Variants in FRAS1 observed in about 807,000 individuals in gnomAD.
FRAS1 encodes extracellular matrix organizing protein FRAS1.
Under a neutral mutation model 435.2 loss-of-function variants are expected in FRAS1, and 290 were observed. The ratio of observed to expected loss-of-function variants is 0.67; its 90% confidence interval spans 0.61 to 0.73. The LOEUF (loss-of-function observed/expected upper bound fraction) is 0.73, where lower values mean the gene tolerates loss of function less well. FRAS1 is among the 30% of genes least tolerant of loss of function. The pLI, the probability that FRAS1 is intolerant of heterozygous loss-of-function variation, is 0.00. For synonymous variants in FRAS1, 1,800 were observed against 1,851.0 expected, an observed-to-expected ratio of 0.97 and a Z score of 0.71; for missense variants, 4,860 against 5,001.5, an observed-to-expected ratio of 0.97 and a Z score of 0.85.
At chr4:78,339,064 C>T (rs1730298924) in intron 20 of FRAS1, among the ~76,000 whole-genome samples, 2 of 152,136 alleles carry the variant, frequency 1.3e-5, no homozygotes, top group South Asian at 4.1e-4. Context: ...TTGGACTAAT[C>T]AGAATTCCTA....
At chr4:78,219,049 A>G (rs1253751706) in intron 2 of FRAS1, among the ~76,000 whole-genome samples, 2 of 152,166 alleles carry the variant, frequency 1.3e-5, no homozygotes, top group Non-Finnish European at 2.9e-5. Flanking sequence ...TAATTCAGGA[A>G]ATGCTTCTAT....
intron 20 of FRAS1, among the ~76,000 whole-genome samples, chr4:78,356,190 G>A (rs927891463): frequency 1.3e-5 from 2 of 152,004 alleles, no homozygotes; most frequent in African/African-American, 2.4e-5. Context: ...TGTAACTGAC[G>A]AGACAGTTGG....
At chr4:78,303,358 T>C (rs1057249796) in intron 14 of FRAS1, among the ~76,000 whole-genome samples, 28 of 152,320 alleles carry the variant, frequency 1.8e-4, no homozygotes, top group Admixed American at 1.4e-3. Context: ...TTTGGTTCCA[T>C]ATGAACTTTA....
intron 26 of FRAS1, among the ~76,000 whole-genome samples, chr4:78,377,488 AC>A (rs1302122520): frequency 1.3e-5 from 2 of 152,202 alleles, no homozygotes; most frequent in African/African-American, 4.8e-5. Flanking sequence ...AAGGAGCACT[AC>A]CAACTAAAGT....
intron 18 of FRAS1, among the ~76,000 whole-genome samples, chr4:78,322,263 A>G (rs1168818747): frequency 6.6e-6 from 1 of 152,178 alleles, no homozygotes; most frequent in East Asian, 1.9e-4. Context: ...AGTGCTGTCT[A>G]TGAATCAGGC....
At chr4:78,284,927 G>C (rs899553449) in intron 13 of FRAS1, among the ~76,000 whole-genome samples, 1 of 152,142 alleles carries the variant, frequency 6.6e-6, no homozygotes, top group Non-Finnish European at 1.5e-5. Flanking sequence ...ACTTAGAATT[G>C]ACATAGACCT....
chr4:78,296,486 C>T (rs973678278), intron 14 of FRAS1, among the ~76,000 whole-genome samples: 2 of 152,150 alleles, frequency 1.3e-5, no homozygotes, highest in African/African-American at 4.8e-5. Flanking sequence ...GCGTCTCAGG[C>T]AACCAGCCTT....
chr4:78,430,254 G>A (rs148093143), intron 36 of FRAS1, 38 bp from the exon 37 acceptor site: 8 of 1,612,624 alleles, frequency 5.0e-6, no homozygotes, highest in African/African-American at 1.3e-5. Flanking sequence ...TTTAACATAC[G>A]CTTTCTCTCT....
intron 29 of FRAS1, among the ~76,000 whole-genome samples, chr4:78,392,295 T>A (rs949408149): frequency 1.3e-5 from 2 of 152,142 alleles, no homozygotes; most frequent in Non-Finnish European, 2.9e-5. Context: ...TTAAGGTATA[T>A]TTTTACAGAA....
At chr4:78,532,386 T>TTC (rs1383370032) in intron 70 of FRAS1, among the ~76,000 whole-genome samples, 4 of 152,226 alleles carry the variant, frequency 2.6e-5, no homozygotes, top group Non-Finnish European at 2.9e-5. Context: ...GTTTCTTCCT[T>TTC]TCTCTCTCTT....
intron 9 of FRAS1, among the ~76,000 whole-genome samples, 161 bp from the exon 10 acceptor site, chr4:78,278,494 T>C (rs1452070396): frequency 2.6e-5 from 4 of 152,148 alleles, no homozygotes; most frequent in Non-Finnish European, 4.4e-5. Context: ...ACACTTCCTA[T>C]TGGAAGACAG....
chr4:78,442,642 T>C (rs1734703632), intron 41 of FRAS1, among the ~76,000 whole-genome samples: 1 of 152,226 alleles, frequency 6.6e-6, no homozygotes, highest in African/African-American at 2.4e-5. Context: ...GGTGCAGAGA[T>C]ACTCCATAGA....
intron 2 of FRAS1, among the ~76,000 whole-genome samples, chr4:78,116,015 T>C (rs536954112): frequency 2.0e-5 from 3 of 152,296 alleles, no homozygotes; most frequent in African/African-American, 7.2e-5. Flanking sequence ...GTCCCAGAGA[T>C]TCTGGTATGT....
At chr4:78,246,025 C>A (rs1002082971) in intron 4 of FRAS1, among the ~76,000 whole-genome samples, 1 of 152,126 alleles carries the variant, frequency 6.6e-6, no homozygotes, top group Non-Finnish European at 1.5e-5. Flanking sequence ...GACTAGAAAT[C>A]TTTTCTCAAG....
intron 23 of FRAS1, among the ~76,000 whole-genome samples, chr4:78,372,397 G>C (rs762015248): frequency 1.1e-4 from 17 of 152,190 alleles, no homozygotes; most frequent in South Asian, 2.1e-4. Context: ...GGTTTTGCAT[G>C]AAGACTTGAT....
Position 78,518,018 on chromosome 4 carries a change from G to A in FRAS1, c.10390-1313G>A, listed in dbSNP as rs184793745. Among the ~76,000 whole-genome samples the A allele has an allele frequency of 3.3e-4, 50 of 152,246 alleles. 1 individual carries two copies. The highest frequency in any genetic ancestry group is 1.2e-3 in the African/African-American group (49 of 41,528). On this transcript the variant is annotated intron_variant, in intron 66 of 73. Coordinates refer to ENST00000512123, the MANE Select transcript of FRAS1 (RefSeq NM_025074.7). ...TGTAATCTCAGTACTTTGGGAGGCT[G>A]AGGCTGGAGGATCACTGGAGGCCAG...
At chr4:78,080,100 C>T (rs1740828881) in intron 2 of FRAS1, among the ~76,000 whole-genome samples, 1 of 152,076 alleles carries the variant, frequency 6.6e-6, no homozygotes, top group Admixed American at 6.6e-5. Context: ...GGTGGAATGG[C>T]ATCTCACCTT....
At position 78,508,793 on chromosome 4, in the gene FRAS1, C is replaced by G. The variant is rs1329039312; in HGVS notation, c.9567C>G (p.Ser3189=). ...TTACCAAGGAAGGAGTCAAGAAATC[C>G]CCCTCCCCAGGCTACCCACTGGTCT... The part of the protein sequence containing the change: ...EEVTKEGVKK[S]PSPGYPLVCV... Residue 3189 remains serine, a synonymous_variant, in exon 63 of 74, where the codon TCC becomes TCG. Coordinates refer to ENST00000512123, the MANE Select transcript of FRAS1 (RefSeq NM_025074.7). 1 of 1,613,638 alleles carries G rather than the reference C, an allele frequency of 6.2e-7. No homozygotes were observed. The highest frequency in any genetic ancestry group is 1.1e-5 in the South Asian group (1 of 91,012).
chr4:78,270,302 C>T (rs183545930), intron 9 of FRAS1, among the ~76,000 whole-genome samples: 7 of 152,280 alleles, frequency 4.6e-5, no homozygotes, highest in Middle Eastern at 6.8e-3. Context: ...GTTGCACAGG[C>T]CTTACTGTTT....
Sources: allele counts gnomAD v4.1 joint callset (sites outside exome capture counted in the v4.1 genomes callset), GRCh38; gene constraint gnomAD v4.1.1; transcripts MANE v1.5; gene names NCBI Gene and HGNC (gene_info 2026-07-23, HGNC 2026-07-21).